CFAP47: variants seen among roughly 807,000 people sequenced by gnomAD.
CFAP47 encodes cilia and flagella associated protein 47.
A neutral mutation model predicts 148.1 loss-of-function variants in CFAP47; 29 were observed. The ratio of observed to expected loss-of-function variants is 0.20; its 90% confidence interval spans 0.15 to 0.27. CFAP47 has a LOEUF of 0.27. CFAP47 is among the 10% of genes least tolerant of loss of function. The pLI is 1.00. For synonymous variants in CFAP47, 664 were observed against 577.3 expected (o/e 1.15, Z -2.15); for missense variants, 1,872 against 1,697.5 (o/e 1.10, Z -1.81).
At chrX:36,021,164 CTATT>C (rs1001691407) in intron 22 of CFAP47, among the ~76,000 whole-genome samples, 2 of 111,626 alleles carry the variant, frequency 1.8e-5, no homozygotes, top group African/African-American at 3.3e-5. Context: ...TTTGTTGTCT[CTATT>C]TATATCTTAT....
At chrX:36,299,905 A>G (rs1270852385) in intron 52 of CFAP47, among the ~76,000 whole-genome samples, 1 of 112,307 alleles carries the variant, frequency 8.9e-6, no homozygotes, top group African/African-American at 3.2e-5. Context: ...ATTTTAAAGG[A>G]CAAAAATTAT....
In CFAP47 at chrX:36,285,577, A is replaced by G. The variant is rs1036320867; in HGVS notation, c.7589-52A>G. ...TTCATGATTCTCAAATGTGTATGTT[A>G]AGTATGGTATTCTGAAGTCTATATT... On this transcript the variant is annotated intron_variant, in intron 50 of 63. Coordinates refer to ENST00000378653, the MANE Select transcript of CFAP47 (RefSeq NM_001304548.2). 324 of 516,703 alleles carry G rather than the reference A, an allele frequency of 6.3e-4. 1 individual carries two copies. Among genetic ancestry groups the G allele is most frequent in the Non-Finnish European group, 1.0e-4 (31 of 298,317 alleles). 42.6% of individuals were successfully genotyped at this position (516,703 alleles called of 1,213,427 possible). A position where few individuals can be genotyped will look rare whatever the true frequency, so the allele number is the denominator to read the frequency against.
chrX:36,237,111 T>A (rs1940478215), intron 48 of CFAP47, among the ~76,000 whole-genome samples: 1 of 111,637 alleles, frequency 9.0e-6, no homozygotes. Context: ...ATCTACTTAT[T>A]TGAGTCATGT....
intron 57 of CFAP47, among the ~76,000 whole-genome samples, chrX:36,332,403 C>G (rs1340671530): frequency 9.0e-6 from 1 of 111,255 alleles, no homozygotes; most frequent in East Asian, 2.8e-4. Flanking sequence ...AATAAGTACA[C>G]AAATGAAACT....
intron 48 of CFAP47, among the ~76,000 whole-genome samples, chrX:36,240,888 G>A (rs888561547): frequency 2.7e-5 from 3 of 111,418 alleles, no homozygotes; most frequent in Non-Finnish European, 5.7e-5. Flanking sequence ...AAGAAAAAAT[G>A]GGGAGGGGGA....
At chrX:36,086,455 C>G (rs1433416890) in intron 30 of CFAP47, among the ~76,000 whole-genome samples, 3 of 111,501 alleles carry the variant, frequency 2.7e-5, no homozygotes, top group African/African-American at 9.8e-5. Context: ...TTGTGATTTT[C>G]TCTTTTGCTT....
At chrX:36,165,782 C>T (rs773140350) in intron 39 of CFAP47, among the ~76,000 whole-genome samples, 1 of 111,251 alleles carries the variant, frequency 9.0e-6, no homozygotes, top group Non-Finnish European at 1.9e-5. Context: ...TCTCCTTGGC[C>T]TACAGATAGT....
At chrX:36,147,210 A>G (rs1347741944) in intron 36 of CFAP47, among the ~76,000 whole-genome samples, 1 of 104,186 alleles carries the variant, frequency 9.6e-6, no homozygotes, top group African/African-American at 4.2e-5. Flanking sequence ...AAATTTACAC[A>G]GAAGCAGAAT....
intron 6 of CFAP47, 78 bp from the exon 7 acceptor site, chrX:35,953,514 G>A: frequency 6.8e-6 from 5 of 730,532 alleles, no homozygotes; most frequent in South Asian, 3.6e-5. Flanking sequence ...TTTAAAGATT[G>A]GATTGATATT....
intron 39 of CFAP47, among the ~76,000 whole-genome samples, chrX:36,176,174 G>A (rs916185058): frequency 1.8e-5 from 2 of 112,568 alleles, no homozygotes; most frequent in Admixed American, 9.3e-5. Flanking sequence ...CATGGTGTGC[G>A]CACCCACTGA....
chrX:36,133,489 A>T (rs1183709277), intron 33 of CFAP47, among the ~76,000 whole-genome samples: 1 of 110,663 alleles, frequency 9.0e-6, no homozygotes, highest in East Asian at 2.9e-4. Flanking sequence ...AGAGAAGATG[A>T]TAAAAAGTAA....
At chrX:36,146,751 C>T (rs1464114001) in intron 36 of CFAP47, among the ~76,000 whole-genome samples, 6 of 108,944 alleles carry the variant, frequency 5.5e-5, no homozygotes, top group Non-Finnish European at 9.5e-5. Flanking sequence ...CCAGAAATGG[C>T]TACAAAATTG....
chrX:36,371,757 C>CATGTGTGTAT (rs1556021648), intron 62 of CFAP47, among the ~76,000 whole-genome samples: 1 of 46,086 alleles, frequency 2.2e-5, no homozygotes, highest in Non-Finnish European at 3.3e-5. Context: ...TATATACACA[C>CATGTGTGTAT]ATGTGTGTAT....
intron 23 of CFAP47, among the ~76,000 whole-genome samples, chrX:36,033,662 G>T (rs183353578): frequency 3.2e-4 from 35 of 110,971 alleles, no homozygotes; most frequent in Admixed American, 2.8e-3. Flanking sequence ...GTACTTCAAG[G>T]CTTGGGAAAA....
At position 36,350,696 on chromosome X, in the gene CFAP47, T is replaced by A. The variant is rs115066866; in HGVS notation, c.8698+564T>A. The stretch of plus-strand genomic sequence containing the variant: ...CTTTATTATTATTATTTATTTATTT[T>A]TTTTTTTGCCTCGGCATACCCTAGA... On this transcript the variant is annotated intron_variant, in intron 59 of 63. Transcript: ENST00000378653. Among the ~76,000 whole-genome samples, 263 of 105,738 alleles carry A rather than the reference T, an allele frequency of 2.5e-3. 1 individual carries two copies. Among genetic ancestry groups the A allele is most frequent in the Middle Eastern group, 0.019 (4 of 212 alleles). The allele number at this position is 105,738 out of a possible 115,157, so 91.8% of individuals were successfully genotyped here.
intron 45 of CFAP47, among the ~76,000 whole-genome samples, chrX:36,215,543 A>T (rs781920790): frequency 4.5e-5 from 5 of 110,651 alleles, no homozygotes; most frequent in Non-Finnish European, 9.4e-5. Context: ...CAAGTGGCTG[A>T]GGTTGATGGA....
At chrX:36,117,846 G>A (rs1001981243) in intron 33 of CFAP47, among the ~76,000 whole-genome samples, 14 of 111,541 alleles carry the variant, frequency 1.3e-4, no homozygotes, top group African/African-American at 3.9e-4. Context: ...TTTTCCTTAA[G>A]TTTTTTTGTA....
chrX:36,351,262 C>A (rs1381340394), intron 59 of CFAP47, among the ~76,000 whole-genome samples: 3 of 111,639 alleles, frequency 2.7e-5, no homozygotes, highest in Non-Finnish European at 5.7e-5. Context: ...CATTTTTATT[C>A]TTGACTTTAA....
intron 46 of CFAP47, among the ~76,000 whole-genome samples, chrX:36,235,615 G>A (rs782046749): frequency 5.3e-5 from 6 of 112,197 alleles, no homozygotes; most frequent in African/African-American, 1.6e-4. Context: ...CACACGGTGC[G>A]CTGCACCCAC....
Sources: gnomAD v4.1 joint callset for allele counts (sites outside exome capture counted in the v4.1 genomes callset) on GRCh38, gnomAD v4.1.1 for gene constraint, MANE v1.5 for transcripts, NCBI Gene and HGNC (gene_info 2026-07-23, HGNC 2026-07-21) for gene names.